The following FUT9 variants were observed in gnomAD, a reference collection of about 807,000 sequenced individuals.
FUT9 encodes fucosyltransferase 9, also known as 4-galactosyl-N-acetylglucosaminide 3-alpha-L-fucosyltransferase 9.
In FUT9, 15 loss-of-function variants were observed where a neutral mutation model predicts 29.7. The observed-to-expected ratio is 0.51, with a 90% CI of 0.34 to 0.78. FUT9 has a LOEUF of 0.78. FUT9 is among the 30% of genes least tolerant of loss of function. The pLI is 0.01. For synonymous variants in FUT9, 169 were observed against 153.7 expected, an observed-to-expected ratio of 1.10 and a Z score of -0.74; for missense variants, 319 against 425.4, an observed-to-expected ratio of 0.75 and a Z score of 2.20.
At chr6:96,137,634 G>A (rs1354280585) in intron 2 of FUT9, among the ~76,000 whole-genome samples, 1 of 151,984 alleles carries the variant, frequency 6.6e-6, no homozygotes, top group Non-Finnish European at 1.5e-5. Flanking sequence ...AACTTGATAT[G>A]ATGTGATGAG....
chr6:96,063,740 G>T (rs1275349296), intron 1 of FUT9, among the ~76,000 whole-genome samples: 12 of 152,146 alleles, frequency 7.9e-5, no homozygotes, highest in African/African-American at 2.7e-4. Flanking sequence ...AGTACATAAA[G>T]TGGGAAGCAA....
chr6:96,065,733 A>G (rs1770951377), intron 1 of FUT9, among the ~76,000 whole-genome samples: 1 of 152,198 alleles, frequency 6.6e-6, no homozygotes, highest in African/African-American at 2.4e-5. Flanking sequence ...ATTTTTAATT[A>G]CAAGCTATAT....
At chr6:96,033,089 T>C (rs1227778315) in intron 1 of FUT9, among the ~76,000 whole-genome samples, 1 of 151,392 alleles carries the variant, frequency 6.6e-6, no homozygotes, top group Non-Finnish European at 1.5e-5. Flanking sequence ...ACAATGAGAG[T>C]TGAAATTCTG....
At chr6:96,106,213 C>CCCTTCCTTCCTTCCTTCCTTCCTACCTT (rs1771681677) in intron 1 of FUT9, among the ~76,000 whole-genome samples, 1 of 137,142 alleles carries the variant, frequency 7.3e-6, no homozygotes, top group South Asian at 2.5e-4. Flanking sequence ...AATCCATCAA[C>CCCTTCCTTCCTTCCTTCCTTCCTACCTT]CCTTCCTTCC....
At chr6:96,137,129 GGTGCT>G (rs1772362621) in intron 2 of FUT9, among the ~76,000 whole-genome samples, 1 of 151,912 alleles carries the variant, frequency 6.6e-6, no homozygotes, top group Non-Finnish European at 1.5e-5. Flanking sequence ...CATATTATGA[GGTGCT>G]GTAAGGCATG....
At chr6:96,078,680 A>C (rs1235218106) in intron 1 of FUT9, among the ~76,000 whole-genome samples, 1 of 151,884 alleles carries the variant, frequency 6.6e-6, no homozygotes, top group African/African-American at 2.4e-5. Flanking sequence ...TCGGCCTCCC[A>C]AAGTGCTGGG....
At chr6:96,073,765 C>T (rs1771101648) in intron 1 of FUT9, among the ~76,000 whole-genome samples, 1 of 152,042 alleles carries the variant, frequency 6.6e-6, no homozygotes, top group Admixed American at 6.6e-5. Context: ...AAATTGTTTC[C>T]CTCCTTATAA....
At chr6:96,118,930 TAAAG>T (rs201161802) in intron 2 of FUT9, among the ~76,000 whole-genome samples, 1,587 of 152,268 alleles carry the variant, frequency 0.01, 31 homozygotes, top group African/African-American at 0.036. Flanking sequence ...GAATAAGGAT[TAAAG>T]AAAGAAATTA....
At chr6:96,156,338 T>C (rs917499698) in intron 2 of FUT9, among the ~76,000 whole-genome samples, 17 of 152,150 alleles carry the variant, frequency 1.1e-4, no homozygotes, top group Admixed American at 3.9e-4. Flanking sequence ...TTTATCTCCT[T>C]AGCTCATCTA....
chr6:96,122,165 AAG>A (rs1256974056), intron 2 of FUT9, among the ~76,000 whole-genome samples: 12 of 152,194 alleles, frequency 7.9e-5, no homozygotes, highest in Non-Finnish European at 1.2e-4. Context: ...GGGGAAATTA[AAG>A]AGACTCAGTT....
intron 1 of FUT9, among the ~76,000 whole-genome samples, chr6:96,040,699 G>A (rs1157378486): frequency 6.6e-6 from 1 of 151,848 alleles, no homozygotes; most frequent in Non-Finnish European, 1.5e-5. Flanking sequence ...ATGTAAAAAG[G>A]TACCTGTTTT....
At chr6:96,200,934 T>C (rs560199529) in intron 2 of FUT9, among the ~76,000 whole-genome samples, 84 of 152,192 alleles carry the variant, frequency 5.5e-4, no homozygotes, top group Admixed American at 6.6e-4. Context: ...TTATTATTGC[T>C]GAATTTTTGT....
intron 2 of FUT9, among the ~76,000 whole-genome samples, chr6:96,192,538 T>C (rs4840238): frequency 0.91 from 138,785 of 152,058 alleles, 64,680 homozygotes; most frequent in Non-Finnish European, 1. Context: ...AACCACTGCT[T>C]GACGAAATAA....
intron 1 of FUT9, among the ~76,000 whole-genome samples, chr6:96,056,833 C>T (rs1770780207): frequency 6.6e-6 from 1 of 151,888 alleles, no homozygotes; most frequent in South Asian, 2.1e-4. Context: ...TACATATTTA[C>T]AATATACACT....
chr6:96,065,075 CAAT>C (rs1770940434), intron 1 of FUT9, among the ~76,000 whole-genome samples: 1 of 152,032 alleles, frequency 6.6e-6, no homozygotes, highest in Non-Finnish European at 1.5e-5. Context: ...ATTTTAAGAA[CAAT>C]GATTAGTAGA....
intron 1 of FUT9, among the ~76,000 whole-genome samples, chr6:96,045,256 A>C (rs1000942582): frequency 2.6e-5 from 4 of 152,232 alleles, no homozygotes; most frequent in African/African-American, 7.2e-5. Context: ...CTAAAGAACC[A>C]GCAACAATCA....
At chr6:96,190,092 G>A (rs956017090) in intron 2 of FUT9, among the ~76,000 whole-genome samples, 8 of 152,014 alleles carry the variant, frequency 5.3e-5, no homozygotes, top group African/African-American at 1.9e-4. Context: ...GCTCTTGTAG[G>A]GCAGGCCTGG....
chr6:96,139,500 G>T (rs1582261444), intron 2 of FUT9, among the ~76,000 whole-genome samples: 1 of 152,298 alleles, frequency 6.6e-6, no homozygotes, highest in Admixed American at 6.5e-5. Context: ...ACTAGGCAGT[G>T]CCCCAGTGGG....
At chr6:96,026,314 A>G (rs1770167401) in intron 1 of FUT9, among the ~76,000 whole-genome samples, 1 of 151,670 alleles carries the variant, frequency 6.6e-6, no homozygotes, top group African/African-American at 2.4e-5. Context: ...TCTGAGATTG[A>G]TGAACCTTTC....
Sources: gnomAD v4.1 joint callset for allele counts (sites outside exome capture counted in the v4.1 genomes callset) on GRCh38, gnomAD v4.1.1 for gene constraint, MANE v1.5 for transcripts, NCBI Gene and HGNC (gene_info 2026-07-23, HGNC 2026-07-21) for gene names.